Variants in USP2 observed in about 807,000 individuals in gnomAD.
USP2 encodes ubiquitin carboxyl-terminal hydrolase 2.
In USP2, 33 loss-of-function variants were observed where a neutral mutation model predicts 72.0. The observed-to-expected ratio is 0.46, with a 90% CI of 0.35 to 0.61. The LOEUF is 0.61. USP2 is among the 20% of genes least tolerant of loss of function. The probability of loss-of-function intolerance (pLI) is 0.01; values close to 1 mark genes in which losing one functional copy is unlikely to be tolerated. For missense variants in USP2, 691 were observed against 797.8 expected (o/e 0.87, Z 1.61); for synonymous variants, 296 against 312.5 (o/e 0.95, Z 0.56).
rs530796094 is a variant in USP2 at position 119,369,495 on chromosome 11, C to A, written c.774+3212G>T. On this transcript the variant is annotated intron_variant, in intron 2 of 12. Coordinates refer to ENST00000260187, the MANE Select transcript of USP2 (RefSeq NM_004205.5). ...AGAATCCCCTGGGACACAGGATGTA[C>A]TTTTTTTTACCTCTGTTTCTCCCAC... is the stretch of plus-strand genomic sequence containing the variant. 5.3e-5 allele frequency among the ~76,000 whole-genome samples: 8 copies of A among 151,836 alleles called. No individual in the cohort carries two copies. In the East Asian group the frequency reaches 1.4e-3, roughly 26 times the overall value.
Position 119,356,902 on chromosome 11 carries a change from C to A in USP2, c.1751G>T (p.Ser584Ile). Residue 584 changes from serine (S) to isoleucine (I), a missense_variant, in exon 13 of 13, where the codon AGC becomes ATC. Transcript: ENST00000260187. ...GTAGGCGTCGCTGGTGCGCACTTGGCTGGAGGACATGGGAGTGACGCTGCG... is the reference window on the plus strand; with the variant it reads ...GTAGGCGTCGCTGGTGCGCACTTGGATGGAGGACATGGGAGTGACGCTGCG... ...NDSSVTPMSS[S>I]QVRTSDAYLL... 6.4e-7 allele frequency: 1 copy of A among 1,562,882 alleles called. No homozygotes were observed. Among genetic ancestry groups the A allele is most frequent in the Non-Finnish European group, 8.7e-7 (1 of 1,154,080 alleles).
rs1389167310 is a variant in USP2, at chr11:119,381,586, C to A, written c.-155G>T. 6.5e-7 allele frequency: 1 copy of A among 1,527,158 alleles called. No homozygotes were observed. Among genetic ancestry groups the A allele is most frequent in the Admixed American group, 2.0e-5 (1 of 50,918 alleles). 94.6% of individuals were successfully genotyped at this position (1,527,158 alleles called of 1,614,324 possible). ...AGCACCAGCTGACGAAGAGGGCTCCCCGGCCTCGGCTCCTGCCTGACTCTC... is the reference window on the plus strand; with the variant it reads ...AGCACCAGCTGACGAAGAGGGCTCCACGGCCTCGGCTCCTGCCTGACTCTC... On this transcript the variant is annotated 5_prime_UTR_variant, in exon 1 of 13. Coordinates refer to ENST00000260187, the MANE Select transcript of USP2 (RefSeq NM_004205.5).
At position 119,356,912 on chromosome 11, in the gene USP2, T is replaced by C. The variant is rs1178762699; in HGVS notation, c.1741A>G (p.Met581Val). Residue 581 changes from methionine to valine, a missense_variant, in exon 13 of 13, where the codon ATG becomes GTG. Transcript: ENST00000260187. The part of the protein sequence containing the change: ...HTFNDSSVTP[M>V]SSSQVRTSDA... ...CTGGTGCGCACTTGGCTGGAGGACA[T>C]GGGAGTGACGCTGCGGAGAGAGCGG... is the stretch of plus-strand genomic sequence containing the variant. The C allele has an allele frequency of 1.0e-5, 16 of 1,560,132 alleles. No individual in the cohort carries two copies. The highest frequency in any genetic ancestry group is 1.4e-5 in the Non-Finnish European group (16 of 1,152,710).
At chr11:119,360,300 C>G in intron 2 of USP2, 66 bp from the exon 3 acceptor site, 4 of 1,557,008 alleles carry the variant, frequency 2.6e-6, no homozygotes, top group Non-Finnish European at 3.5e-6. Context: ...TGGGCTCTCT[C>G]GTGCAATTTC....
chr11:119,362,332 G>C (rs376546761), intron 2 of USP2, among the ~76,000 whole-genome samples: 1 of 152,128 alleles, frequency 6.6e-6, no homozygotes, highest in South Asian at 2.1e-4. Context: ...TACTATTCTT[G>C]AGGATCTAAC....
chr11:119,371,079 T>A (rs1950919443), intron 2 of USP2, among the ~76,000 whole-genome samples: 1 of 152,150 alleles, frequency 6.6e-6, no homozygotes, highest in Non-Finnish European at 1.5e-5. Flanking sequence ...AAAGAGCTTG[T>A]GGAAAGAGCA....
Position 119,356,641 on chromosome 11 carries a change from G to A in USP2, c.*194C>T, listed in dbSNP as rs889691353. 1 of 585,074 alleles carries A rather than the reference G, an allele frequency of 1.7e-6. No homozygotes were observed. The highest frequency in any genetic ancestry group is 2.9e-6 in the Non-Finnish European group (1 of 340,782). The allele number at this position is 585,074 out of a possible 1,614,324, so 36.2% of individuals were successfully genotyped here. On this transcript the variant is annotated 3_prime_UTR_variant, in exon 13 of 13. Transcript: ENST00000260187. ...CACGTCCAGGCGATCTTCCCTGCCG[G>A]GCCACAGCTCAGGAAAGCCCGGCTC...
rs759374892 is a variant in USP2, at chr11:119,373,396, C to T, written c.85G>A (p.Ala29Thr). The T allele has an allele frequency of 2.5e-5, 41 of 1,608,192 alleles. No individual in the cohort carries two copies. Among genetic ancestry groups the T allele is most frequent in the Non-Finnish European group, 3.2e-5 (38 of 1,179,950 alleles). Residue 29 changes from alanine (A) to threonine (T), a missense_variant, in exon 2 of 13, where the codon GCC (alanine) becomes ACC (threonine). By Grantham distance (58) the Ala-to-Thr change is moderately conservative. Coordinates refer to ENST00000260187, the MANE Select transcript of USP2 (RefSeq NM_004205.5). The stretch of plus-strand genomic sequence containing the variant: ...GCCCCATAGGAGGACGGGGTGTAGG[C>T]ACCATAGCCCGACTTGGCATAGTGG... Reference protein sequence around the residue: ...DAHYAKSGYGAYTPSSYGANL... With the variant: ...DAHYAKSGYGTYTPSSYGANL...
intron 12 of USP2, 91 bp from the exon 13 acceptor site, chr11:119,357,013 G>T: frequency 6.9e-7 from 1 of 1,459,824 alleles, no homozygotes; most frequent in Non-Finnish European, 9.3e-7. Flanking sequence ...CGGCCGGCCT[G>T]CCTTTCAGGG....
At chr11:119,377,056 A>G (rs1474746172) in intron 1 of USP2, among the ~76,000 whole-genome samples, 1 of 152,266 alleles carries the variant, frequency 6.6e-6, no homozygotes, top group African/African-American at 2.4e-5. Flanking sequence ...GGAAACTTTC[A>G]AATGAAGTTT....
At chr11:119,379,380 G>GCC in intron 1 of USP2, 6 of 378,116 alleles carry the variant, frequency 1.6e-5, no homozygotes, top group Non-Finnish European at 1.5e-5. Flanking sequence ...GGTGGGGGTG[G>GCC]AACTTGAGAC....
intron 2 of USP2, among the ~76,000 whole-genome samples, chr11:119,361,681 C>T (rs1308168724): frequency 6.6e-6 from 1 of 152,042 alleles, no homozygotes; most frequent in Non-Finnish European, 1.5e-5. Flanking sequence ...CTTACCGATC[C>T]CACAAGTAAG....
chr11:119,375,786 T>A (rs1950993026), intron 1 of USP2, among the ~76,000 whole-genome samples: 9 of 152,178 alleles, frequency 5.9e-5, no homozygotes, highest in Admixed American at 5.9e-4. Flanking sequence ...GGAATTGGTA[T>A]TCTTCGGGCA....
intron 1 of USP2, among the ~76,000 whole-genome samples, chr11:119,381,125 G>T (rs1448756477): frequency 6.6e-6 from 1 of 152,164 alleles, no homozygotes; most frequent in African/African-American, 2.4e-5. Context: ...GGAGCTTTAA[G>T]AGCAGCGAGT....
rs1364069914 is a variant in USP2, at chr11:119,359,621, G to A, written c.865C>T (p.Arg289Trp). The A allele has an allele frequency of 3.1e-6, 5 of 1,613,938 alleles. No individual in the cohort carries two copies. Among genetic ancestry groups the A allele is most frequent in the East Asian group, 2.2e-5 (1 of 44,866 alleles). Residue 289 changes from arginine (R) to tryptophan (W), a missense_variant, in exon 4 of 13, where the codon CGG (arginine) becomes TGG (tryptophan). Coordinates refer to ENST00000260187, the MANE Select transcript of USP2 (RefSeq NM_004205.5). ...NSILQCLSNT[R>W]ELRDYCLQRL... is the part of the protein sequence containing the mutation. ...TGGAGGCAGTAATCTCTCAACTCCC[G>A]AGTGTTGCTCAGGCACTGCAGAATT...
rs1011966069 is a variant in USP2, at chr11:119,357,089, CG to C, written c.1730+97del. Reference sequence around the variant, plus strand: ...CCATCCATTCTCGGTGTAAGCCGTGCGGGGGGTGGGAGGGGGGTGGGTTTGG... The same window carrying C: ...CCATCCATTCTCGGTGTAAGCCGTGCGGGGGTGGGAGGGGGGTGGGTTTGG... On this transcript the variant is annotated intron_variant, in intron 12 of 12. Transcript: ENST00000260187. 2.5e-5 allele frequency: 14 copies of C among 562,374 alleles called. No individual in the cohort carries two copies. The Admixed American group carries it at 6.4e-4, about 26-fold the overall frequency. The allele number at this position is 562,374 out of a possible 1,614,324, so 34.8% of individuals were successfully genotyped here. A position where few individuals can be genotyped will look rare whatever the true frequency, so the allele number is the denominator to read the frequency against.
rs1950957270 is a variant in USP2 at position 119,373,196 on chromosome 11, C to T, written c.285G>A (p.Gln95=). ...CTAAAGGCCGCTCAGTACCCCGGGT[C>T]TGGCTCTCTGCCCGCTTACCACCCC... ...ITGGGKRAES[Q]TRGTERPLGS... Residue 95 remains glutamine (Q), a synonymous_variant, in exon 2 of 13, where the codon CAG becomes CAA. Transcript: ENST00000260187. 7 of 1,614,032 alleles carry T rather than the reference C, an allele frequency of 4.3e-6. No homozygotes were observed. The highest frequency in any genetic ancestry group is 5.9e-6 in the Non-Finnish European group (7 of 1,179,990).
At chr11:119,370,951 C>T (rs1389092780) in intron 2 of USP2, among the ~76,000 whole-genome samples, 2 of 152,126 alleles carry the variant, frequency 1.3e-5, no homozygotes, top group East Asian at 3.9e-4. Flanking sequence ...GAGGCAGATT[C>T]CCAGTGGAAT....
intron 2 of USP2, chr11:119,364,071 G>A: frequency 7.9e-7 from 1 of 1,269,010 alleles, no homozygotes; most frequent in South Asian, 2.7e-5. Context: ...CCCGCGCGGT[G>A]CCACAGTCCG....
Sources: allele counts gnomAD v4.1 joint callset (sites outside exome capture counted in the v4.1 genomes callset), GRCh38; gene constraint gnomAD v4.1.1; transcripts MANE v1.5; gene names NCBI Gene and HGNC (gene_info 2026-07-23, HGNC 2026-07-21).